RAB2B: variants seen among roughly 807,000 people sequenced by gnomAD.
RAB2B encodes the protein RAB2B, member RAS oncogene family, also known as ras-related protein Rab-2B.
RAB2B carries 20 observed loss-of-function variants against 29.8 expected under a neutral mutation model. The observed-to-expected ratio is 0.67, with a 90% CI of 0.47 to 0.97. The LOEUF is 0.97. RAB2B is among the 50% of genes least tolerant of loss of function. The pLI, the probability that RAB2B is intolerant of heterozygous loss-of-function variation, is 0.00. For missense variants in RAB2B, 218 were observed against 272.0 expected (o/e 0.80, Z 1.40); for synonymous variants, 93 against 91.7 (o/e 1.01, Z -0.08).
chr14:21,460,502 T>C lies in RAB2B; in HGVS notation c.*694A>G, dbSNP rs1388408916. 8.0e-6 allele frequency: 2 copies of C among 249,246 alleles called. No individual in the cohort carries two copies. Among genetic ancestry groups the C allele is most frequent in the African/African-American group, 2.5e-5 (1 of 40,660 alleles). The allele number at this position is 249,246 out of a possible 1,614,324, so 15.4% of individuals were successfully genotyped here. A position where few individuals can be genotyped will look rare whatever the true frequency, so the allele number is the denominator to read the frequency against. On this transcript the variant is annotated 3_prime_UTR_variant, in exon 8 of 8. Coordinates refer to ENST00000397762, the MANE Select transcript of RAB2B (RefSeq NM_032846.4). ...CGGGAGGTTGAGGCAGGAGAACTGC[T>C]TGAACCTGGAAAGTGGAGGTTGCAG...
chr14:21,461,658 A>G (rs1234897073), intron 7 of RAB2B, among the ~76,000 whole-genome samples: 1 of 152,078 alleles, frequency 6.6e-6, no homozygotes, highest in East Asian at 1.9e-4. Context: ...ATCAGTGTGC[A>G]CTATAGCCTC....
Position 21,474,915 on chromosome 14 carries a change from A to T in RAB2B, c.138T>A (p.Arg46=). Reference sequence around the variant, plus strand: ...TTTGTTTTCCATCAATGTTGACCATACGAGCTCCAAACTCCACACCTGTCG... The same window carrying T: ...TTTGTTTTCCATCAATGTTGACCATTCGAGCTCCAAACTCCACACCTGTCG... ...DLTIGVEFGA[R]MVNIDGKQIK... is the part of the protein sequence containing the mutation. The change falls in exon 3 of 8, where the codon CGT becomes CGA. Residue 46 remains arginine (R), a synonymous_variant. Transcript: ENST00000397762. 6.2e-7 allele frequency: 1 copy of T among 1,614,046 alleles called. No homozygotes were observed. The highest frequency in any genetic ancestry group is 8.5e-7 in the Non-Finnish European group (1 of 1,179,964).
In RAB2B at chr14:21,460,984, T is replaced by G; in HGVS notation, c.*212A>C. ...AATTTAAGAAATTTGTATAGGAGGATAAGAAGAACCCTAATCTATAGGGAA... is the reference window on the plus strand; with the variant it reads ...AATTTAAGAAATTTGTATAGGAGGAGAAGAAGAACCCTAATCTATAGGGAA... On this transcript the variant is annotated 3_prime_UTR_variant, in exon 8 of 8. Transcript: ENST00000397762. 1 of 387,880 alleles carries G rather than the reference T, an allele frequency of 2.6e-6. No individual in the cohort carries two copies. The highest frequency in any genetic ancestry group is 4.6e-6 in the Non-Finnish European group (1 of 216,446). 24.0% of individuals were successfully genotyped at this position (387,880 alleles called of 1,614,324 possible).
chr14:21,468,722 G>A lies in RAB2B; in HGVS notation c.217C>T (p.Arg73Cys), dbSNP rs1436409908. 5.7e-6 allele frequency: 9 copies of A among 1,569,080 alleles called. No individual in the cohort carries two copies. The highest frequency in any genetic ancestry group is 2.2e-5 in the East Asian group (1 of 44,508). ...AGQESFRSIT[R>C]SYYRGAAGAL... is the part of the protein sequence containing the mutation. ...CCAGCTGCTCCCCTGTAGTAGGAAC[G>A]GGTGATAGAACGGAAGGATTCTTGC... The change falls in exon 4 of 8, where the codon CGT becomes TGT. Residue 73 changes from arginine (R) to cysteine (C), a missense_variant. Transcript: ENST00000397762.
At chr14:21,461,386 C>A in intron 7 of RAB2B, 83 bp from the exon 8 acceptor site, 1 of 850,108 alleles carries the variant, frequency 1.2e-6, no homozygotes, top group Non-Finnish European at 1.8e-6. Flanking sequence ...GCTTGTATCC[C>A]AGGGTAGAAA....
In RAB2B at chr14:21,463,726, T is replaced by C. The variant is rs957465099; in HGVS notation, c.404A>G (p.Glu135Gly). The C allele has an allele frequency of 1.2e-6, 2 of 1,613,886 alleles. No individual in the cohort carries two copies. Among genetic ancestry groups the C allele is most frequent in the Non-Finnish European group, 1.7e-6 (2 of 1,179,838 alleles). ...AAGTCCATGCTCCCTAGCAAAGGCC[T>C]CTCCTTCTTCTCTCTTCACATCCCT... ...SRRDVKREEG[E>G]AFAREHGLIF... is the part of the protein sequence containing the mutation. The change falls in exon 6 of 8, where the codon GAG becomes GGG. Residue 135 changes from glutamate to glycine, a missense_variant. By Grantham distance (98) the Glu-to-Gly change is moderately conservative. Coordinates refer to ENST00000397762, the MANE Select transcript of RAB2B (RefSeq NM_032846.4).
Position 21,460,938 on chromosome 14 carries a change from A to G in RAB2B, c.*258T>C, listed in dbSNP as rs554087556. ...ATGAAATTATTTTTTAACTACTGTGATAATCAACTTTGATCCTAACAATTT... is the reference window on the plus strand; with the variant it reads ...ATGAAATTATTTTTTAACTACTGTGGTAATCAACTTTGATCCTAACAATTT... On this transcript the variant is annotated 3_prime_UTR_variant, in exon 8 of 8. Transcript: ENST00000397762. The G allele has an allele frequency of 3.7e-6, 1 of 269,204 alleles. No homozygotes were observed. The highest frequency in any genetic ancestry group is 6.9e-5 in the East Asian group (1 of 14,522). 16.7% of individuals were successfully genotyped at this position (269,204 alleles called of 1,614,324 possible).
chr14:21,471,027 G>A (rs7155518), intron 3 of RAB2B, among the ~76,000 whole-genome samples: 110,553 of 135,828 alleles, frequency 0.81, 45,611 homozygotes, highest in South Asian at 0.9. Flanking sequence ...AAAAAAAATA[G>A]GTGGGCGTGG....
In RAB2B at chr14:21,462,962, A is replaced by G. The variant is rs80351032; in HGVS notation, c.475-544T>C. ...TATGGGGTATTCTGGTACTGACCCA[A>G]GATGTTCCTAGGCTGGCACCTTCCA... On this transcript the variant is annotated intron_variant, in intron 6 of 7. Coordinates refer to ENST00000397762, the MANE Select transcript of RAB2B (RefSeq NM_032846.4). Among the ~76,000 whole-genome samples, 758 of 152,244 alleles carry G rather than the reference A, an allele frequency of 5.0e-3. 6 individuals are homozygous for G. Among genetic ancestry groups the G allele is most frequent in the African/African-American group, 0.017 (702 of 41,536 alleles).
chr14:21,471,668 AG>A (rs1388788362), intron 3 of RAB2B, among the ~76,000 whole-genome samples: 8 of 118,198 alleles, frequency 6.8e-5, no homozygotes, highest in Non-Finnish European at 1.2e-4. Context: ...ACTAAGATGA[AG>A]GTTTTTTTTT....
At position 21,460,225 on chromosome 14, in the gene RAB2B, T is replaced by C. The variant is rs754810690; in HGVS notation, c.*971A>G. 3 of 518,934 alleles carry C rather than the reference T, an allele frequency of 5.8e-6. No individual in the cohort carries two copies. Among genetic ancestry groups the C allele is most frequent in the East Asian group, 5.4e-5 (1 of 18,358 alleles). 32.1% of individuals were successfully genotyped at this position (518,934 alleles called of 1,614,324 possible). On this transcript the variant is annotated 3_prime_UTR_variant, in exon 8 of 8. Transcript: ENST00000397762. ...CAAAGGCCAACTAGATCTAGGTAAT[T>C]GCAAGTGTTCAAATAGAATGTCTTT...
intron 3 of RAB2B, among the ~76,000 whole-genome samples, chr14:21,474,130 G>A (rs1013159565): frequency 2.6e-5 from 4 of 151,448 alleles, no homozygotes; most frequent in East Asian, 1.9e-4. Flanking sequence ...GGTGGAGGTC[G>A]CGGTGAGCCA....
Position 21,460,053 on chromosome 14 carries a change from A to C in RAB2B, c.*1143T>G, listed in dbSNP as rs1594404268. ...AAGTTACACTAAGAGATAGAAGCTAATAATAGGATAGTAGAGAAGTACTCA... is the reference window on the plus strand; with the variant it reads ...AAGTTACACTAAGAGATAGAAGCTACTAATAGGATAGTAGAGAAGTACTCA... On this transcript the variant is annotated 3_prime_UTR_variant, in exon 8 of 8. Transcript: ENST00000397762. The C allele has an allele frequency of 6.7e-6, 3 of 445,994 alleles. No individual in the cohort carries two copies. The highest frequency in any genetic ancestry group is 5.3e-5 in the Admixed American group (2 of 37,774). The allele number at this position is 445,994 out of a possible 1,614,324, so 27.6% of individuals were successfully genotyped here. A position where few individuals can be genotyped will look rare whatever the true frequency, so the allele number is the denominator to read the frequency against.
intron 5 of RAB2B, among the ~76,000 whole-genome samples, chr14:21,467,114 G>T (rs1197811754): frequency 6.6e-6 from 1 of 151,558 alleles, no homozygotes; most frequent in Non-Finnish European, 1.5e-5. Flanking sequence ...TCACCATATT[G>T]GCCAGGCTGG....
chr14:21,461,378 T>C (rs1890552662), intron 7 of RAB2B, 75 bp from the exon 8 acceptor site: 1 of 926,790 alleles, frequency 1.1e-6, no homozygotes, highest in South Asian at 1.6e-5. Flanking sequence ...CTATCTCTGC[T>C]TGTATCCCAG....
rs185112913 is a variant in RAB2B at position 21,472,647 on chromosome 14, G to A, written c.186+2220C>T. Among the ~76,000 whole-genome samples, 183 of 152,214 alleles carry A rather than the reference G, an allele frequency of 1.2e-3. 2 individuals carry two copies. The highest frequency in any genetic ancestry group is 9.2e-3 in the Admixed American group (140 of 15,286). On this transcript the variant is annotated intron_variant, in intron 3 of 7. Coordinates refer to ENST00000397762, the MANE Select transcript of RAB2B (RefSeq NM_032846.4). ...TATTAATCTCAAGACAATTTTAAGA[G>A]GGAACAGAAAAGAACTAGGCCAGTT...
At chr14:21,474,551 G>T in intron 3 of RAB2B, 1 of 286,872 alleles carries the variant, frequency 3.5e-6, no homozygotes, top group Non-Finnish European at 6.6e-6. Context: ...TGATTTCCCT[G>T]CTAGAGTACC....
rs1890490866 is a variant in RAB2B at position 21,459,604 on chromosome 14, G to A, written c.*1592C>T. ...GACAAGATTCCACACAAAAACAACT[G>A]CAAACCATATTTACATAGTAACATA... On this transcript the variant is annotated 3_prime_UTR_variant, in exon 8 of 8. Coordinates refer to ENST00000397762, the MANE Select transcript of RAB2B (RefSeq NM_032846.4). 6.6e-6 allele frequency: 1 copy of A among 152,000 alleles called. No individual in the cohort carries two copies. The highest frequency in any genetic ancestry group is 1.5e-5 in the Non-Finnish European group (1 of 68,020). 9.4% of individuals were successfully genotyped at this position (152,000 alleles called of 1,614,324 possible).
At position 21,461,173 on chromosome 14, in the gene RAB2B, C is replaced by A; in HGVS notation, c.*23G>T. The A allele has an allele frequency of 1.3e-6, 2 of 1,556,432 alleles. No individual in the cohort carries two copies. The highest frequency in any genetic ancestry group is 8.8e-7 in the Non-Finnish European group (1 of 1,133,886). On this transcript the variant is annotated 3_prime_UTR_variant, in exon 8 of 8. Coordinates refer to ENST00000397762, the MANE Select transcript of RAB2B (RefSeq NM_032846.4). ...TGATCTGAAGCTATTCCAGGAAGGA[C>A]AAAAAAAGTTCAAGCCAGATGTTCA...
Sources: gnomAD v4.1 joint callset for allele counts (sites outside exome capture counted in the v4.1 genomes callset) on GRCh38, gnomAD v4.1.1 for gene constraint, MANE v1.5 for transcripts, NCBI Gene and HGNC (gene_info 2026-07-23, HGNC 2026-07-21) for gene names.